CENPP: variants seen among roughly 807,000 people sequenced by gnomAD.
The protein encoded by CENPP is centromere protein P.
Under a neutral mutation model 35.6 loss-of-function variants are expected in CENPP, and 24 were observed. That is an observed-to-expected ratio of 0.67 (90% CI 0.49 to 0.95). The LOEUF (loss-of-function observed/expected upper bound fraction) is 0.95. CENPP is among the 40% of genes least tolerant of loss of function. The pLI is 0.00. For synonymous variants in CENPP, 120 were observed against 125.5 expected, an observed-to-expected ratio of 0.96 and a Z score of 0.29; for missense variants, 332 against 345.3, an observed-to-expected ratio of 0.96 and a Z score of 0.31.
In CENPP at chr9:92,393,296, C is replaced by G. The variant is rs148059644; in HGVS notation, c.564+13437C>G. 6.4e-6 allele frequency: 9 copies of G among 1,401,812 alleles called. No homozygotes were observed. The East Asian group carries it at 2.1e-4, about 33-fold the overall frequency. 86.8% of individuals were successfully genotyped at this position (1,401,812 alleles called of 1,614,324 possible). A position where few individuals can be genotyped will look rare whatever the true frequency, so the allele number is the denominator to read the frequency against. On this transcript the variant is annotated intron_variant, in intron 5 of 7. Coordinates refer to ENST00000375587, the MANE Select transcript of CENPP (RefSeq NM_001012267.3). ...TATGAACAATCGTTTGAAAATATTT[C>G]TCCTCTAGTAGTAAAATTATTGCTA...
At chr9:92,582,808 C>T (rs1412737232) in intron 5 of CENPP, among the ~76,000 whole-genome samples, 1 of 152,134 alleles carries the variant, frequency 6.6e-6, no homozygotes, top group Non-Finnish European at 1.5e-5. Flanking sequence ...GAATATCCTG[C>T]TCTCAAAGGG....
chr9:92,558,289 A>G (rs776074191), intron 5 of CENPP, among the ~76,000 whole-genome samples: 27 of 152,304 alleles, frequency 1.8e-4, no homozygotes, highest in South Asian at 1.0e-3. Context: ...GGGAAGGTCT[A>G]GGGCTGAAGG....
intron 5 of CENPP, chr9:92,457,483 T>A: frequency 6.3e-7 from 1 of 1,598,950 alleles, no homozygotes; most frequent in Non-Finnish European, 8.6e-7. Flanking sequence ...GAAGGAAGAT[T>A]ATCTGTTGTA....
intron 5 of CENPP, among the ~76,000 whole-genome samples, chr9:92,402,618 C>T (rs1314642271): frequency 1.3e-5 from 2 of 152,188 alleles, no homozygotes; most frequent in Non-Finnish European, 2.9e-5. Flanking sequence ...TAACGTCACC[C>T]TTGCAGTGTT....
intron 5 of CENPP, among the ~76,000 whole-genome samples, chr9:92,588,445 T>C (rs1850592677): frequency 2.6e-5 from 4 of 151,534 alleles, no homozygotes; most frequent in African/African-American, 9.7e-5. Flanking sequence ...AGTAGAGACA[T>C]GGTTTCACCT....
intron 5 of CENPP, among the ~76,000 whole-genome samples, chr9:92,584,964 T>C (rs1340528650): frequency 6.6e-6 from 1 of 152,260 alleles, no homozygotes; most frequent in East Asian, 1.9e-4. Context: ...AAATTGCATG[T>C]TATATAGTTG....
intron 5 of CENPP, among the ~76,000 whole-genome samples, chr9:92,546,456 C>A (rs889167135): frequency 6.6e-6 from 1 of 152,166 alleles, no homozygotes; most frequent in Admixed American, 6.5e-5. Flanking sequence ...TCTGCAGCTT[C>A]GCTCCTGAAG....
intron 5 of CENPP, among the ~76,000 whole-genome samples, chr9:92,498,917 T>G (rs1398887043): frequency 6.6e-6 from 1 of 152,240 alleles, no homozygotes; most frequent in Non-Finnish European, 1.5e-5. Flanking sequence ...GAACTTACTT[T>G]CTTTTCAAAA....
At chr9:92,394,310 T>C (rs931902199) in intron 5 of CENPP, among the ~76,000 whole-genome samples, 1 of 152,110 alleles carries the variant, frequency 6.6e-6, no homozygotes, top group African/African-American at 2.4e-5. Flanking sequence ...TGGTGTGATC[T>C]TGGCTCATTG....
intron 5 of CENPP, among the ~76,000 whole-genome samples, chr9:92,492,043 C>T (rs1356524665): frequency 6.6e-6 from 1 of 152,188 alleles, no homozygotes; most frequent in Non-Finnish European, 1.5e-5. Context: ...ATTGATCTTT[C>T]TCCTCTGAAC....
chr9:92,537,763 G>A (rs1402073482), intron 5 of CENPP, among the ~76,000 whole-genome samples: 1 of 152,168 alleles, frequency 6.6e-6, no homozygotes, highest in African/African-American at 2.4e-5. Context: ...TAAAACAGAA[G>A]AGGAAGATTT....
intron 5 of CENPP, among the ~76,000 whole-genome samples, chr9:92,467,561 A>G (rs780351207): frequency 2.6e-5 from 4 of 152,192 alleles, no homozygotes; most frequent in Non-Finnish European, 5.9e-5. Context: ...TGATTTTCTC[A>G]AGGAGCAGCT....
chr9:92,566,618 G>C (rs1849974404), intron 5 of CENPP, among the ~76,000 whole-genome samples: 1 of 152,092 alleles, frequency 6.6e-6, no homozygotes, highest in African/African-American at 2.4e-5. Context: ...GATTTGAGCA[G>C]GTAGAAGAAA....
intron 5 of CENPP, among the ~76,000 whole-genome samples, chr9:92,551,936 T>TG (rs1554686257): frequency 1.0e-5 from 1 of 97,874 alleles, no homozygotes; most frequent in African/African-American, 6.9e-5. Context: ...TATATATATA[T>TG]ATATATATAT....
Position 92,616,703 on chromosome 9 carries a change from A to G in CENPP, c.*3554A>G, listed in dbSNP as rs561717086. 7.2e-5 allele frequency: 11 copies of G among 152,616 alleles called. 1 individual carries two copies. The Middle Eastern group carries it at 0.017, about 236-fold the overall frequency. The allele number at this position is 152,616 out of a possible 1,614,324, so 9.5% of individuals were successfully genotyped here. A position where few individuals can be genotyped will look rare whatever the true frequency, so the allele number is the denominator to read the frequency against. ...TTTTAACCTCAGAAGTCGTGTGCTT[A>G]TAACAAGATGTGATTAATTATTTGC... On this transcript the variant is annotated 3_prime_UTR_variant, in exon 8 of 8. Coordinates refer to ENST00000375587, the MANE Select transcript of CENPP (RefSeq NM_001012267.3).
chr9:92,326,182 C>A, intron 1 of CENPP, 77 bp downstream of exon 1: 1 of 881,386 alleles, frequency 1.1e-6, no homozygotes, highest in Non-Finnish European at 1.7e-6. Context: ...CCACAGACAT[C>A]CTCGGTCTCC....
At chr9:92,611,465 G>A in intron 6 of CENPP, 72 bp downstream of exon 6, 1 of 1,223,158 alleles carries the variant, frequency 8.2e-7, no homozygotes, top group South Asian at 1.3e-5. Flanking sequence ...GACCACCTAA[G>A]TAGGATTCTA....
At chr9:92,408,547 G>A (rs1394579466) in intron 5 of CENPP, among the ~76,000 whole-genome samples, 1 of 152,088 alleles carries the variant, frequency 6.6e-6, no homozygotes, top group East Asian at 1.9e-4. Flanking sequence ...AACGTTTTGG[G>A]CCACAGTTTT....
intron 5 of CENPP, among the ~76,000 whole-genome samples, chr9:92,418,086 T>C (rs1033242718): frequency 6.7e-6 from 1 of 150,292 alleles, no homozygotes; most frequent in Non-Finnish European, 1.5e-5. Flanking sequence ...TTTTTCTTTT[T>C]CTTTTTCTTT....
Sources: gnomAD v4.1 joint callset for allele counts (sites outside exome capture counted in the v4.1 genomes callset) on GRCh38, gnomAD v4.1.1 for gene constraint, MANE v1.5 for transcripts, NCBI Gene and HGNC (gene_info 2026-07-23, HGNC 2026-07-21) for gene names.